The following RAE1 variants were observed in gnomAD, a reference collection of about 807,000 sequenced individuals.
RAE1 encodes ribonucleic acid export 1.
In RAE1, 13 loss-of-function variants were observed where a neutral mutation model predicts 52.7. The observed-to-expected ratio is 0.25, with a 90% CI of 0.16 to 0.39. The LOEUF is 0.39. RAE1 is among the 10% of genes least tolerant of loss of function. The probability of loss-of-function intolerance (pLI) is 1.00; values close to 1 mark genes in which losing one functional copy is unlikely to be tolerated. For missense variants in RAE1, 262 were observed against 459.8 expected (o/e 0.57, Z 3.93); for synonymous variants, 164 against 153.1 (o/e 1.07, Z -0.52).
Position 57,356,453 on chromosome 20 carries a change from G to T in RAE1, c.203G>T (p.Cys68Phe). The T allele has an allele frequency of 6.2e-7, 1 of 1,611,960 alleles. No individual in the cohort carries two copies. Among genetic ancestry groups the T allele is most frequent in the Non-Finnish European group, 8.5e-7 (1 of 1,178,498 alleles). The change falls in exon 4 of 12, where the codon TGC becomes TTC. Residue 68 changes from cysteine to phenylalanine, a missense_variant. Cys to Phe is a radical substitution (Grantham distance 205). Coordinates refer to ENST00000395841, the MANE Select transcript of RAE1 (RefSeq NM_003610.4). Reference protein sequence around the residue: ...IAGSWANDVRCWEVQDSGQTI... With the variant: ...IAGSWANDVRFWEVQDSGQTI... Reference sequence around the variant, plus strand: ...ATTTTTTTGTTACTACAGGTTCGCTGCTGGGAAGTTCAAGACAGTGGACAG... The same window carrying T: ...ATTTTTTTGTTACTACAGGTTCGCTTCTGGGAAGTTCAAGACAGTGGACAG...
intron 4 of RAE1, chr20:57,358,720 T>A (rs142903261): frequency 3.0e-6 from 1 of 329,310 alleles, no homozygotes; most frequent in African/African-American, 2.1e-5. Context: ...CGATATGGAC[T>A]CTAGTATAGG....
intron 11 of RAE1, among the ~76,000 whole-genome samples, chr20:57,375,490 C>T (rs2067100136): frequency 6.6e-6 from 1 of 152,094 alleles, no homozygotes; most frequent in African/African-American, 2.4e-5. Context: ...AGTGTCTTTC[C>T]CGCTCACCTC....
At chr20:57,355,407 A>G (rs927299073) in intron 3 of RAE1, among the ~76,000 whole-genome samples, 1 of 152,238 alleles carries the variant, frequency 6.6e-6, no homozygotes, top group Non-Finnish European at 1.5e-5. Context: ...TAACAAAATT[A>G]AAAGTTTAAA....
At chr20:57,363,680 T>C (rs1207918772) in intron 4 of RAE1, among the ~76,000 whole-genome samples, 1 of 151,814 alleles carries the variant, frequency 6.6e-6, no homozygotes, top group African/African-American at 2.4e-5. Context: ...AAAAAAATAA[T>C]AAATAACAAT....
chr20:57,366,949 G>A, intron 6 of RAE1, 56 bp downstream of exon 6: 1 of 1,584,850 alleles, frequency 6.3e-7, no homozygotes. Flanking sequence ...ATTTATTTTT[G>A]CACCATTTCG....
chr20:57,373,315 C>T, intron 8 of RAE1, 160 bp from the exon 9 acceptor site: 1 of 657,912 alleles, frequency 1.5e-6, no homozygotes, highest in Non-Finnish European at 2.6e-6. Context: ...GATGGAGTTA[C>T]TAAGGAGTTA....
chr20:57,360,333 T>C (rs2066874164), intron 4 of RAE1, among the ~76,000 whole-genome samples: 1 of 152,230 alleles, frequency 6.6e-6, no homozygotes, highest in African/African-American at 2.4e-5. Flanking sequence ...GGGCTACACC[T>C]TGACCTAACG....
chr20:57,375,579 G>GTCCACCA (rs2067102033), intron 11 of RAE1, among the ~76,000 whole-genome samples: 1 of 151,994 alleles, frequency 6.6e-6, no homozygotes, highest in African/African-American at 2.4e-5. Context: ...TTCTGTCCCC[G>GTCCACCA]TCCACCAGCT....
Position 57,351,408 on chromosome 20 carries a change from G to C in RAE1, c.-22G>C. 1.0e-6 allele frequency: 1 copy of C among 985,516 alleles called. No homozygotes were observed. The highest frequency in any genetic ancestry group is 1.2e-6 in the Non-Finnish European group (1 of 829,996). 61.0% of individuals were successfully genotyped at this position (985,516 alleles called of 1,614,324 possible). A position where few individuals can be genotyped will look rare whatever the true frequency, so the allele number is the denominator to read the frequency against. On this transcript the variant is annotated 5_prime_UTR_variant, in exon 1 of 12. Transcript: ENST00000395841. ...TGCTCCCGGCCGCCGCTTTCCGCCG[G>C]GGCGAGACCCCCAGGTAGGCCCCGT...
chr20:57,375,141 G>T, intron 11 of RAE1: 1 of 633,546 alleles, frequency 1.6e-6, no homozygotes, highest in South Asian at 1.8e-5. Context: ...GGGTGCTGTT[G>T]GTTGCTTGGT....
chr20:57,364,915 GAGAA>G (rs1411652816), intron 4 of RAE1, among the ~76,000 whole-genome samples: 3 of 152,192 alleles, frequency 2.0e-5, no homozygotes, highest in African/African-American at 7.2e-5. Flanking sequence ...TGTATATAGA[GAGAA>G]AGATAAATGT....
chr20:57,351,722 T>C (rs558806680), intron 1 of RAE1: 1 of 985,530 alleles, frequency 1.0e-6, no homozygotes, highest in East Asian at 1.1e-4. Context: ...TCTCGTCAGA[T>C]ACATGTCAGC....
chr20:57,354,676 C>T (rs377080534), intron 2 of RAE1, 36 bp from the exon 3 acceptor site: 8 of 1,431,100 alleles, frequency 5.6e-6, no homozygotes, highest in Middle Eastern at 1.8e-4. Flanking sequence ...AAGTTGTGAG[C>T]GTGCATACAT....
In RAE1 at chr20:57,354,022, T is replaced by A; in HGVS notation, c.-7-10T>A. 6.2e-7 allele frequency: 1 copy of A among 1,609,216 alleles called. No homozygotes were observed. The highest frequency in any genetic ancestry group is 8.5e-7 in the Non-Finnish European group (1 of 1,176,686). On this transcript the variant is annotated splice_polypyrimidine_tract_variant and intron_variant, in intron 1 of 11. Transcript: ENST00000395841. Reference sequence around the variant, plus strand: ...AAAACCCATCCTTAACATTTTTCATTACTTTTTAGGTTCAAAATGAGCCTG... The same window carrying A: ...AAAACCCATCCTTAACATTTTTCATAACTTTTTAGGTTCAAAATGAGCCTG...
chr20:57,359,065 A>G, intron 4 of RAE1: 1 of 1,475,370 alleles, frequency 6.8e-7, no homozygotes, highest in South Asian at 1.4e-5. Context: ...TTTAGAGAAC[A>G]AGTGATTATG....
At chr20:57,354,583 G>A in intron 2 of RAE1, 129 bp from the exon 3 acceptor site, 1 of 586,988 alleles carries the variant, frequency 1.7e-6, no homozygotes, top group Non-Finnish European at 2.9e-6. Context: ...ATCAAAGTAA[G>A]GAAAGGTCTA....
chr20:57,373,661 A>G lies in RAE1; in HGVS notation c.750-2A>G. Reference sequence around the variant, plus strand: ...AGACTTACATGAACCTTTGTCTTTCAGCGCCAAAGATAACTTCACCTTTAA... The same window carrying G: ...AGACTTACATGAACCTTTGTCTTTCGGCGCCAAAGATAACTTCACCTTTAA... On this transcript the variant is annotated splice_acceptor_variant, in intron 9 of 11. Transcript: ENST00000395841. LOFTEE classifies it high-confidence loss of function. 1 of 1,614,152 alleles carries G rather than the reference A, an allele frequency of 6.2e-7. No homozygotes were observed. Among genetic ancestry groups the G allele is most frequent in the Non-Finnish European group, 8.5e-7 (1 of 1,179,982 alleles).
intron 4 of RAE1, among the ~76,000 whole-genome samples, chr20:57,362,733 A>C (rs547970177): frequency 6.6e-6 from 1 of 152,288 alleles, no homozygotes; most frequent in Non-Finnish European, 1.5e-5. Flanking sequence ...GCAGCTGTAA[A>C]GTTTGGAAAG....
At chr20:57,351,703 C>G in intron 1 of RAE1, 1 of 985,506 alleles carries the variant, frequency 1.0e-6, no homozygotes, top group Non-Finnish European at 1.2e-6. Context: ...CCCCCTTACA[C>G]GTCTGGCGTC....
Sources: allele counts gnomAD v4.1 joint callset (sites outside exome capture counted in the v4.1 genomes callset), GRCh38; gene constraint gnomAD v4.1.1; transcripts MANE v1.5; gene names NCBI Gene and HGNC (gene_info 2026-07-23, HGNC 2026-07-21).